Variants in SOAT1 observed in about 807,000 individuals in gnomAD.
SOAT1 encodes the protein sterol O-acyltransferase 1, also known as acyl-coenzyme A:cholesterol acyltransferase 1.
SOAT1 carries 55 observed loss-of-function variants against 69.5 expected under a neutral mutation model. The ratio of observed to expected loss-of-function variants is 0.79; its 90% confidence interval spans 0.64 to 0.99. SOAT1 has a LOEUF of 0.99. SOAT1 is among the 50% of genes least tolerant of loss of function. The pLI, the probability that SOAT1 is intolerant of heterozygous loss-of-function variation, is 0.00. For synonymous variants in SOAT1, 231 were observed against 224.7 expected (o/e 1.03, Z -0.25); for missense variants, 580 against 669.3 (o/e 0.87, Z 1.47).
chr1:179,354,495 T>C lies in SOAT1; in HGVS notation c.*854T>C, dbSNP rs1666845591. ...CATGGAAGATATTCCTTTTTAACTT[T>C]GTGGTAACTTCTTTGAAGTTATTTA... On this transcript the variant is annotated 3_prime_UTR_variant, in exon 16 of 16. Transcript: ENST00000367619. The C allele has an allele frequency of 6.6e-6, 1 of 152,234 alleles. No individual in the cohort carries two copies. The highest frequency in any genetic ancestry group is 1.5e-5 in the Non-Finnish European group (1 of 68,028). The allele number at this position is 152,234 out of a possible 1,614,324, so 9.4% of individuals were successfully genotyped here. A position where few individuals can be genotyped will look rare whatever the true frequency, so the allele number is the denominator to read the frequency against.
At chr1:179,339,964 A>T (rs1666279000) in intron 6 of SOAT1, among the ~76,000 whole-genome samples, 2 of 152,184 alleles carry the variant, frequency 1.3e-5, no homozygotes, top group Admixed American at 1.3e-4. Context: ...CAAAACACAC[A>T]TATAAGAATG....
intron 3 of SOAT1, among the ~76,000 whole-genome samples, chr1:179,335,269 T>C (rs1222868552): frequency 6.6e-6 from 1 of 152,056 alleles, no homozygotes; most frequent in Non-Finnish European, 1.5e-5. Flanking sequence ...AGGTATTTTG[T>C]TTTATGCTTA....
At chr1:179,330,876 A>C (rs527606725) in intron 3 of SOAT1, among the ~76,000 whole-genome samples, 3 of 152,172 alleles carry the variant, frequency 2.0e-5, no homozygotes, top group Non-Finnish European at 4.4e-5. Context: ...TTTTCTGTGG[A>C]CTTTGACAAA....
intron 1 of SOAT1, chr1:179,294,368 A>C (rs1664556770): frequency 3.3e-5 from 5 of 152,182 alleles, no homozygotes; most frequent in Admixed American, 3.3e-4. Context: ...CCTTTAATCA[A>C]GCTCATGTTT....
chr1:179,343,763 T>A, intron 10 of SOAT1, 128 bp downstream of exon 10: 1 of 676,050 alleles, frequency 1.5e-6, no homozygotes, highest in Non-Finnish European at 2.5e-6. Flanking sequence ...TGCAGTCTTT[T>A]AAACTATTTC....
intron 11 of SOAT1, 59 bp downstream of exon 11, chr1:179,345,135 A>G: frequency 1.3e-6 from 2 of 1,572,070 alleles, no homozygotes; most frequent in Middle Eastern, 1.7e-4. Context: ...ATAGAAAGCT[A>G]TTGCCTATGA....
At chr1:179,329,065 T>C (rs976818643) in intron 3 of SOAT1, among the ~76,000 whole-genome samples, 4 of 136,458 alleles carry the variant, frequency 2.9e-5, no homozygotes, top group Non-Finnish European at 4.9e-5. Flanking sequence ...AAAAAAAAAT[T>C]GTTGCAACAT....
At chr1:179,333,595 C>G (rs931674230) in intron 3 of SOAT1, among the ~76,000 whole-genome samples, 15 of 152,008 alleles carry the variant, frequency 9.9e-5, no homozygotes, top group Admixed American at 5.2e-4. Flanking sequence ...AATCCCAGCA[C>G]TTTGGGAGGC....
At chr1:179,314,441 T>C (rs750926702) in intron 2 of SOAT1, among the ~76,000 whole-genome samples, 5 of 152,152 alleles carry the variant, frequency 3.3e-5, no homozygotes, top group Non-Finnish European at 7.4e-5. Context: ...GCAGCCTAGG[T>C]AGAAAGGCAC....
At chr1:179,334,452 C>G (rs1666076661) in intron 3 of SOAT1, among the ~76,000 whole-genome samples, 1 of 151,916 alleles carries the variant, frequency 6.6e-6, no homozygotes, top group Non-Finnish European at 1.5e-5. Context: ...TTTATTTTGT[C>G]TTAAAAGTAT....
chr1:179,303,113 C>T (rs1345247468), intron 2 of SOAT1, among the ~76,000 whole-genome samples: 1 of 152,130 alleles, frequency 6.6e-6, no homozygotes, highest in African/African-American at 2.4e-5. Context: ...CATTATGGAG[C>T]TCCAAGTTAA....
At chr1:179,344,154 T>C (rs115537000) in intron 10 of SOAT1, among the ~76,000 whole-genome samples, 181 of 152,132 alleles carry the variant, frequency 1.2e-3, no homozygotes, top group African/African-American at 4.2e-3. Flanking sequence ...ATAAAGTAAT[T>C]CTAATTGGTT....
intron 2 of SOAT1, among the ~76,000 whole-genome samples, chr1:179,314,201 A>G (rs1425666731): frequency 1.3e-5 from 2 of 152,108 alleles, no homozygotes; most frequent in East Asian, 1.9e-4. Flanking sequence ...GCTCCTCTGT[A>G]TTGTCCTTTT....
intron 3 of SOAT1, among the ~76,000 whole-genome samples, chr1:179,332,686 C>T (rs1244111575): frequency 6.6e-6 from 1 of 151,898 alleles, no homozygotes; most frequent in Non-Finnish European, 1.5e-5. Flanking sequence ...AGACTATAAC[C>T]TCAACATTAT....
At chr1:179,344,820 G>T in intron 10 of SOAT1, 127 bp from the exon 11 acceptor site, 3 of 833,222 alleles carry the variant, frequency 3.6e-6, no homozygotes, top group Non-Finnish European at 3.9e-6. Flanking sequence ...CTATACTAGT[G>T]TTAAATGGAA....
intron 12 of SOAT1, 150 bp from the exon 13 acceptor site, chr1:179,348,694 A>G (rs1666612637): frequency 1.7e-6 from 1 of 602,350 alleles, no homozygotes; most frequent in East Asian, 2.7e-5. Flanking sequence ...AGTTTATCAC[A>G]GTATAATTTG....
intron 1 of SOAT1, among the ~76,000 whole-genome samples, chr1:179,296,632 G>C (rs1047607287): frequency 3.9e-5 from 6 of 152,134 alleles, no homozygotes; most frequent in African/African-American, 1.2e-4. Flanking sequence ...TTGTGTTAGG[G>C]CCAACCTTTG....
intron 1 of SOAT1, among the ~76,000 whole-genome samples, chr1:179,301,191 C>T (rs781582951): frequency 1.3e-5 from 2 of 152,154 alleles, no homozygotes; most frequent in Non-Finnish European, 2.9e-5. Flanking sequence ...CCTGAGCCTC[C>T]CAAGTAGCTG....
intron 1 of SOAT1, among the ~76,000 whole-genome samples, chr1:179,296,616 G>T (rs1284840786): frequency 6.6e-6 from 1 of 152,194 alleles, no homozygotes; most frequent in Non-Finnish European, 1.5e-5. Flanking sequence ...TGTAAAAGTT[G>T]TAGCGTTGTG....
Sources: allele counts gnomAD v4.1 joint callset (sites outside exome capture counted in the v4.1 genomes callset), GRCh38; gene constraint gnomAD v4.1.1; transcripts MANE v1.5; gene names NCBI Gene and HGNC (gene_info 2026-07-23, HGNC 2026-07-21).